The following GSE1 variants were observed in gnomAD, a reference collection of about 807,000 sequenced individuals.
GSE1 encodes the protein genetic suppressor element 1.
In GSE1, 32 loss-of-function variants were observed where a neutral mutation model predicts 112.6. The observed-to-expected ratio is 0.28, with a 90% CI of 0.21 to 0.38. GSE1 has a LOEUF of 0.38. Among genes scored for constraint, GSE1 ranks in the 10% least tolerant of loss-of-function variants. The pLI is 1.00. For missense variants in GSE1, 2,348 were observed against 1,699.2 expected (o/e 1.38, Z -6.71); for synonymous variants, 1,115 against 735.6 (o/e 1.52, Z -8.35).
chr16:85,501,673 C>T (rs1408499637), intron 2 of GSE1, among the ~76,000 whole-genome samples: 1 of 152,238 alleles, frequency 6.6e-6, no homozygotes, highest in Non-Finnish European at 1.5e-5. Context: ...GGATTACAGG[C>T]GTGAGCCACT....
chr16:85,532,327 C>A (rs755186750), intron 2 of GSE1, among the ~76,000 whole-genome samples: 23 of 152,230 alleles, frequency 1.5e-4, no homozygotes, highest in Non-Finnish European at 2.6e-4. Flanking sequence ...GTGGTACAAT[C>A]ATGGCTCACT....
At chr16:85,665,901 C>G (rs2052811432) in intron 12 of GSE1, 75 bp from the exon 13 acceptor site, 7 of 1,424,442 alleles carry the variant, frequency 4.9e-6, no homozygotes, top group Admixed American at 3.4e-5. Context: ...GCTCTAGAGA[C>G]CAGGATCTGC....
intron 2 of GSE1, among the ~76,000 whole-genome samples, chr16:85,400,998 G>T (rs994190213): frequency 3.3e-5 from 5 of 152,072 alleles, no homozygotes; most frequent in Admixed American, 6.5e-5. Flanking sequence ...GTTGGTTTGA[G>T]CATCTACATC....
At chr16:85,198,190 G>A (rs1322984194) in intron 1 of GSE1, among the ~76,000 whole-genome samples, 1 of 152,208 alleles carries the variant, frequency 6.6e-6, no homozygotes, top group Non-Finnish European at 1.5e-5. Context: ...GAGCTGCAGT[G>A]AACCTGAGGA....
intron 1 of GSE1, among the ~76,000 whole-genome samples, chr16:85,196,308 G>A (rs2074926011): frequency 6.6e-6 from 1 of 152,112 alleles, no homozygotes; most frequent in South Asian, 2.1e-4. Context: ...CTGTCCTCTG[G>A]AACTTTGTTC....
At chr16:85,496,739 G>A (rs147638387) in intron 2 of GSE1, among the ~76,000 whole-genome samples, 2 of 152,354 alleles carry the variant, frequency 1.3e-5, no homozygotes, top group African/African-American at 4.8e-5. Context: ...GGGGGTGCAC[G>A]AGAGGGAGGG....
intron 1 of GSE1, among the ~76,000 whole-genome samples, chr16:85,604,598 G>A (rs1003954351): frequency 1.3e-5 from 2 of 148,758 alleles, no homozygotes; most frequent in African/African-American, 5.0e-5. Context: ...TCTTCCCCCC[G>A]TTGATGGTCA....
At position 85,672,679 on chromosome 16, in the gene GSE1, C is replaced by G; in HGVS notation, c.*140C>G. ...CATGCATGAAGCAAAGGATTCCAGG[C>G]TCCAGAAAAAATGAATGAACTCACC... On this transcript the variant is annotated 3_prime_UTR_variant, in exon 16 of 16. Coordinates refer to ENST00000253458, the MANE Select transcript of GSE1 (RefSeq NM_014615.5). 1.8e-6 allele frequency: 1 copy of G among 544,148 alleles called. No individual in the cohort carries two copies. Among genetic ancestry groups the G allele is most frequent in the Non-Finnish European group, 3.0e-6 (1 of 338,378 alleles). The allele number at this position is 544,148 out of a possible 1,614,324, so 33.7% of individuals were successfully genotyped here.
intron 1 of GSE1, among the ~76,000 whole-genome samples, chr16:85,628,574 G>A (rs2049269926): frequency 2.6e-5 from 4 of 152,134 alleles, no homozygotes; most frequent in African/African-American, 9.7e-5. Context: ...TGTGGGTGAG[G>A]GCTCAGGTTC....
At chr16:85,341,005 A>C (rs1020413666) in intron 1 of GSE1, among the ~76,000 whole-genome samples, 6 of 152,248 alleles carry the variant, frequency 3.9e-5, no homozygotes, top group African/African-American at 9.6e-5. Flanking sequence ...GAGTTAAAAT[A>C]TGTGGAAAGT....
intron 2 of GSE1, among the ~76,000 whole-genome samples, chr16:85,519,436 CCGGTCTCCATCATCAT>C (rs1223672685): frequency 1.5e-4 from 2 of 13,154 alleles, no homozygotes; most frequent in African/African-American, 4.3e-4. Flanking sequence ...ATCACCATCA[CCGGTCTCCATCATCAT>C]CACCTTCACC....
chr16:85,646,022 CT>C (rs918073898), intron 2 of GSE1, among the ~76,000 whole-genome samples: 1 of 148,756 alleles, frequency 6.7e-6, no homozygotes, highest in African/African-American at 2.6e-5. Context: ...TTCTCCCACG[CT>C]TTCTATGCAT....
chr16:85,171,787 C>G (rs2074362234), exon 1 of GSE1: 7 of 985,664 alleles, frequency 7.1e-6, no homozygotes, highest in Non-Finnish European at 8.4e-6. Flanking sequence ...CTGGAGCTCC[C>G]CGGTGGCAGC....
At chr16:85,619,537 G>T (rs2151618686) in intron 1 of GSE1, among the ~76,000 whole-genome samples, 1 of 152,360 alleles carries the variant, frequency 6.6e-6, no homozygotes, top group Non-Finnish European at 1.5e-5. Context: ...CCCCAGACGG[G>T]CCTGGAGGGA....
chr16:85,330,264 C>G (rs2151514810), intron 1 of GSE1, among the ~76,000 whole-genome samples: 1 of 152,290 alleles, frequency 6.6e-6, no homozygotes, highest in Admixed American at 6.5e-5. Flanking sequence ...GTGATGGAAG[C>G]TGATGCTGCA....
chr16:85,381,288 C>T (rs937150325), intron 2 of GSE1, among the ~76,000 whole-genome samples: 5 of 152,256 alleles, frequency 3.3e-5, no homozygotes, highest in African/African-American at 1.2e-4. Flanking sequence ...ATCCGAACTT[C>T]ATCCCTTTTT....
chr16:85,258,966 G>C (rs914792331), intron 1 of GSE1, among the ~76,000 whole-genome samples: 11 of 152,194 alleles, frequency 7.2e-5, no homozygotes, highest in African/African-American at 2.7e-4. Context: ...CTTCTTCTCT[G>C]GGGGCTGAGC....
At position 85,236,435 on chromosome 16, in the gene GSE1, T is replaced by C. The variant is rs572025259; in HGVS notation, c.2283+64628T>C. Among the ~76,000 whole-genome samples the C allele has an allele frequency of 2.0e-5, 3 of 152,342 alleles. No homozygotes were observed. The East Asian group carries it at 5.8e-4, about 29-fold the overall frequency. ...CCCAGTGGGCTAAAAACTCTGAGAC[T>C]TGGGGTCCCACTGGGGGCATAGGAA... On this transcript the variant is annotated intron_variant, in intron 1 of 2. Transcript: ENST00000637419.
chr16:85,560,822 T>A (rs1165432295), intron 1 of GSE1, among the ~76,000 whole-genome samples: 1 of 151,584 alleles, frequency 6.6e-6, no homozygotes, highest in Non-Finnish European at 1.5e-5. Context: ...ATAACGATCC[T>A]AAAAAAAATA....
Sources: allele counts gnomAD v4.1 joint callset (sites outside exome capture counted in the v4.1 genomes callset), GRCh38; gene constraint gnomAD v4.1.1; transcripts MANE v1.5; gene names NCBI Gene and HGNC (gene_info 2026-07-23, HGNC 2026-07-21).